PARP4: variants seen among roughly 807,000 people sequenced by gnomAD.
PARP4 encodes poly(ADP-ribose) polymerase family member 4, also known as protein mono-ADP-ribosyltransferase PARP4.
A neutral mutation model predicts 187.7 loss-of-function variants in PARP4; 120 were observed. The ratio of observed to expected loss-of-function variants is 0.64; its 90% confidence interval spans 0.55 to 0.74. The LOEUF (loss-of-function observed/expected upper bound fraction) is 0.74. PARP4 is among the 30% of genes least tolerant of loss of function. The pLI is 0.00. For missense variants in PARP4, 1,836 were observed against 2,070.5 expected (o/e 0.89, Z 2.20); for synonymous variants, 654 against 740.9 (o/e 0.88, Z 1.90).
chr13:24,455,254 C>G, intron 21 of PARP4, 42 bp from the exon 22 acceptor site: 2 of 1,458,102 alleles, frequency 1.4e-6, no homozygotes, highest in Non-Finnish European at 1.9e-6. Flanking sequence ...CTTCTTGTCA[C>G]TTCAACTGCA....
intron 31 of PARP4, among the ~76,000 whole-genome samples, chr13:24,434,047 C>T (rs1033875193): frequency 6.6e-6 from 1 of 152,194 alleles, no homozygotes; most frequent in Non-Finnish European, 1.5e-5. Context: ...ATGTGGATTA[C>T]AATCCATTAG....
At chr13:24,504,281 A>G (rs939535303) in intron 1 of PARP4, among the ~76,000 whole-genome samples, 1 of 150,850 alleles carries the variant, frequency 6.6e-6, no homozygotes, top group Non-Finnish European at 1.5e-5. Flanking sequence ...GTGTGTGTAT[A>G]CACATATATA....
intron 1 of PARP4, among the ~76,000 whole-genome samples, chr13:24,507,706 G>C (rs1288486430): frequency 6.6e-6 from 1 of 151,986 alleles, no homozygotes; most frequent in Non-Finnish European, 1.5e-5. Flanking sequence ...CAGGAAACTT[G>C]TTGTTTTTAA....
At chr13:24,442,531 T>G in intron 29 of PARP4, 59 bp downstream of exon 29, 1 of 1,153,342 alleles carries the variant, frequency 8.7e-7, no homozygotes, top group Non-Finnish European at 1.3e-6. Flanking sequence ...CAAGGGTGAC[T>G]TTCTTAATGT....
At chr13:24,483,168 T>TAACCA (rs1873366364) in intron 12 of PARP4, among the ~76,000 whole-genome samples, 1 of 152,116 alleles carries the variant, frequency 6.6e-6, no homozygotes, top group South Asian at 2.1e-4. Flanking sequence ...TACAGGTGTG[T>TAACCA]GACACAATGC....
intron 11 of PARP4, among the ~76,000 whole-genome samples, chr13:24,485,882 C>G (rs1873525747): frequency 6.6e-6 from 1 of 152,070 alleles, no homozygotes; most frequent in South Asian, 2.1e-4. Context: ...TAAGGTCTTG[C>G]TAGGTTTTCC....
intron 12 of PARP4, among the ~76,000 whole-genome samples, chr13:24,483,239 C>T (rs908927710): frequency 6.6e-6 from 1 of 151,708 alleles, no homozygotes; most frequent in African/African-American, 2.4e-5. Flanking sequence ...GTAATCCCAG[C>T]ACTTTGGGAG....
At position 24,460,016 on chromosome 13, in the gene PARP4, C is replaced by T. The variant is rs558562678; in HGVS notation, c.2254G>A (p.Val752Ile). 4.6e-5 allele frequency: 75 copies of T among 1,614,076 alleles called. No homozygotes were observed. The highest frequency in any genetic ancestry group is 2.9e-4 in the South Asian group (26 of 91,080). ...GCCTTGTCCTGTTGCCAGGGTGCTA[C>T]GGTGGCGGGCATGAAAAAGACACCA... Reference protein sequence around the residue: ...TVGVFFMPATVAPWQQDKALN... With the variant: ...TVGVFFMPATIAPWQQDKALN... The change falls in exon 18 of 34, where the codon GTA becomes ATA. Residue 752 changes from valine to isoleucine, a missense_variant. Physicochemically the swap from Val to Ile is conservative, Grantham distance 29. Coordinates refer to ENST00000381989, the MANE Select transcript of PARP4 (RefSeq NM_006437.4).
chr13:24,501,586 T>A, intron 3 of PARP4, 47 bp downstream of exon 3: 1 of 1,306,560 alleles, frequency 7.7e-7, no homozygotes. Flanking sequence ...CCCAAGCGTG[T>A]ACTATGGCAC....
intron 6 of PARP4, 152 bp from the exon 7 acceptor site, chr13:24,494,874 TTTTTC>T (rs1243279816): frequency 1.3e-5 from 7 of 526,118 alleles, no homozygotes; most frequent in African/African-American, 1.0e-4. Context: ...TTTTCTTTTC[TTTTTC>T]TTTTTTTTTT....
Position 24,494,697 on chromosome 13 carries a change from T to C in PARP4, c.617A>G (p.Lys206Arg). Residue 206 changes from lysine (K) to arginine (R), a missense_variant, in exon 7 of 34, where the codon AAA (lysine) becomes AGA (arginine). Coordinates refer to ENST00000381989, the MANE Select transcript of PARP4 (RefSeq NM_006437.4). ...GTATTCACTTGCATCTTCAGAGGTT[T>C]TCTTTATAGCAAACTGTCTTCTAGT... ...METRRQFAIK[K>R]TSEDASEYFE... 1.9e-6 allele frequency: 3 copies of C among 1,607,808 alleles called. No homozygotes were observed. Among genetic ancestry groups the C allele is most frequent in the Non-Finnish European group, 2.6e-6 (3 of 1,175,818 alleles).
At position 24,455,208 on chromosome 13, in the gene PARP4, C is replaced by G. The variant is rs1194533708; in HGVS notation, c.2567G>C (p.Cys856Ser). 6.3e-7 allele frequency: 1 copy of G among 1,586,026 alleles called. No individual in the cohort carries two copies. The highest frequency in any genetic ancestry group is 8.6e-7 in the Non-Finnish European group (1 of 1,158,438). Reference sequence around the variant, plus strand: ...GAGATCGGGTTGAAAGACAAGCATGCAAGCCTGAAAGGAGAAAGAAGGTGC... The same window carrying G: ...GAGATCGGGTTGAAAGACAAGCATGGAAGCCTGAAAGGAGAAAGAAGGTGC... ...EKHPEKESEA[C>S]MLVFQPDLDV... The change falls in exon 22 of 34, where the codon TGC becomes TCC. Residue 856 changes from cysteine (C) to serine (S), a missense_variant. Physicochemically the swap from Cys to Ser is moderately radical, Grantham distance 112. This residue lies in a region of PARP4 where 1,147 missense variants were observed against 1,214.2 expected (regional missense o/e 0.94). Coordinates refer to ENST00000381989, the MANE Select transcript of PARP4 (RefSeq NM_006437.4).
intron 17 of PARP4, among the ~76,000 whole-genome samples, chr13:24,464,731 G>C (rs1158708665): frequency 6.6e-6 from 1 of 152,048 alleles, no homozygotes; most frequent in Non-Finnish European, 1.5e-5. Flanking sequence ...CAGGACATAG[G>C]CACAGTCAAA....
intron 9 of PARP4, 102 bp from the exon 10 acceptor site, chr13:24,490,930 T>C: frequency 1.8e-6 from 2 of 1,082,070 alleles, no homozygotes; most frequent in East Asian, 2.5e-5. Context: ...AAGTCCATTT[T>C]CCCCCAAAGC....
chr13:24,458,967 C>G, intron 20 of PARP4, 77 bp downstream of exon 20: 1 of 1,004,694 alleles, frequency 1.0e-6, no homozygotes, highest in Non-Finnish European at 1.5e-6. Flanking sequence ...CACTTTTCAA[C>G]CACGTGCATA....
rs1471360251 is a variant in PARP4, at chr13:24,493,716, G to T, written c.759C>A (p.Val253=). 2 of 1,613,396 alleles carry T rather than the reference G, an allele frequency of 1.2e-6. No homozygotes were observed. The highest frequency in any genetic ancestry group is 1.7e-6 in the Non-Finnish European group (2 of 1,179,832). The change falls in exon 8 of 34, where the codon GTC becomes GTA. Residue 253 remains valine, a synonymous_variant. Coordinates refer to ENST00000381989, the MANE Select transcript of PARP4 (RefSeq NM_006437.4). ...CTTGGCTCAGAGTGCTTGAATTCAT[G>T]ACTTCCTCCAAAAGCAACTACAATA... is the stretch of plus-strand genomic sequence containing the variant. The part of the protein sequence containing the change: ...EQLQALLLEE[V]MNSSTLSQEV...
At chr13:24,425,586 T>TCTATAA (rs1870004715) in intron 33 of PARP4, among the ~76,000 whole-genome samples, 1 of 119,272 alleles carries the variant, frequency 8.4e-6, no homozygotes, top group Non-Finnish European at 1.7e-5. Context: ...TATATCTATA[T>TCTATAA]CTATATCTAT....
chr13:24,447,331 C>T (rs1180488487), intron 25 of PARP4, 145 bp from the exon 26 acceptor site: 19 of 470,208 alleles, frequency 4.0e-5, no homozygotes, highest in East Asian at 1.5e-4. Context: ...GGTACTTTCC[C>T]GAAAATAGTT....
Position 24,492,955 on chromosome 13 carries a change from T to C in PARP4, c.880-361A>G, listed in dbSNP as rs772177333. 1.2e-4 allele frequency among the ~76,000 whole-genome samples: 18 copies of C among 152,354 alleles called. No homozygotes were observed. In the South Asian group the frequency reaches 1.4e-3, roughly 12 times the overall value. On this transcript the variant is annotated intron_variant, in intron 8 of 33. Transcript: ENST00000381989. Reference sequence around the variant, plus strand: ...AAAGCTGTCAGAATCAGACCAGGGATAAAAACCTCCTGAATGTGTTTCTAA... The same window carrying C: ...AAAGCTGTCAGAATCAGACCAGGGACAAAAACCTCCTGAATGTGTTTCTAA...
Sources: gnomAD v4.1 joint callset for allele counts (sites outside exome capture counted in the v4.1 genomes callset) on GRCh38, gnomAD v4.1.1 for gene constraint, gnomAD v4.1.1 regional missense constraint, MANE v1.5 for transcripts, NCBI Gene and HGNC (gene_info 2026-07-23, HGNC 2026-07-21) for gene names.